Variants in SMAP2 observed in about 807,000 individuals in gnomAD.
SMAP2 encodes small ArfGAP2.
Under a neutral mutation model 56.4 loss-of-function variants are expected in SMAP2, and 25 were observed. The ratio of observed to expected loss-of-function variants is 0.44; its 90% CI spans 0.32 to 0.62. The LOEUF is 0.62. Among genes scored for constraint, SMAP2 ranks in the 20% least tolerant of loss-of-function variants. The pLI is 0.04. For missense variants in SMAP2, 388 were observed against 545.6 expected (o/e 0.71, Z 2.88); for synonymous variants, 157 against 181.7 (o/e 0.86, Z 1.09).
intron 1 of SMAP2, among the ~76,000 whole-genome samples, chr1:40,391,685 A>G (rs1308625594): frequency 6.6e-6 from 1 of 152,180 alleles, no homozygotes; most frequent in East Asian, 1.9e-4. Context: ...ATGAAGAGCA[A>G]TCTCATTGGA....
intron 1 of SMAP2, among the ~76,000 whole-genome samples, chr1:40,352,170 T>C (rs1644411630): frequency 6.6e-6 from 1 of 152,160 alleles, no homozygotes; most frequent in South Asian, 2.1e-4. Flanking sequence ...TTAAAATAAA[T>C]AGTGTTGATA....
Position 40,374,637 on chromosome 1 carries a change from G to C in SMAP2, c.103+414G>C, listed in dbSNP as rs1445017781. On this transcript the variant is annotated intron_variant, in intron 1 of 9. Coordinates refer to ENST00000372718, the MANE Select transcript of SMAP2 (RefSeq NM_022733.3). The surrounding 1 kb of genome is among the most constrained non-coding windows in gnomAD (Gnocchi z 5.9). ...TGTGTGTGTGTGTGAGAGAGAGAGA[G>C]AGAGAATGACGAGGAGGAGGAGGAG... 2.6e-6 allele frequency: 4 copies of C among 1,526,118 alleles called. No homozygotes were observed. In the East Asian group the frequency reaches 9.8e-5, roughly 37 times the overall value. The allele number at this position is 1,526,118 out of a possible 1,614,324, so 94.5% of individuals were successfully genotyped here. A position where few individuals can be genotyped will look rare whatever the true frequency, so the allele number is the denominator to read the frequency against.
At chr1:40,372,772 T>C (rs1430255805), upstream of SMAP2, among the ~76,000 whole-genome samples, 1 of 152,232 alleles carries the variant, frequency 6.6e-6, no homozygotes, top group East Asian at 1.9e-4. Context: ...ATTATTTCCA[T>C]GGCAGCCAGA....
chr1:40,409,873 T>C, intron 4 of SMAP2, 38 bp downstream of exon 4: 2 of 1,262,684 alleles, frequency 1.6e-6, no homozygotes, highest in Non-Finnish European at 1.2e-6. Context: ...CCACAATAAG[T>C]AATGTGCTTA....
At chr1:40,417,201 A>T in intron 9 of SMAP2, 105 bp downstream of exon 9, 4 of 682,766 alleles carry the variant, frequency 5.9e-6, no homozygotes, top group Non-Finnish European at 9.8e-6. Flanking sequence ...TGTAGATGAG[A>T]TAATGTAAGA....
At chr1:40,378,985 T>TC (rs1644569375) in intron 1 of SMAP2, among the ~76,000 whole-genome samples, 3 of 150,854 alleles carry the variant, frequency 2.0e-5, no homozygotes, top group Non-Finnish European at 4.4e-5. Flanking sequence ...TCTTTTCTTT[T>TC]TTTTTTTTTT....
chr1:40,398,021 A>G (rs1233590965), intron 1 of SMAP2, among the ~76,000 whole-genome samples: 1 of 152,206 alleles, frequency 6.6e-6, no homozygotes, highest in African/African-American at 2.4e-5. Context: ...CCCTGCAGCC[A>G]GTAAGGAGCC....
upstream of SMAP2, among the ~76,000 whole-genome samples, chr1:40,371,982 T>C (rs180731099): frequency 2.6e-5 from 4 of 152,352 alleles, no homozygotes; most frequent in East Asian, 7.7e-4. Context: ...AACTTAAGCA[T>C]TCTTGCCCCA....
At chr1:40,409,890 C>A in intron 4 of SMAP2, 55 bp downstream of exon 4, 1 of 1,185,498 alleles carries the variant, frequency 8.4e-7, no homozygotes, top group Non-Finnish European at 1.3e-6. Flanking sequence ...CTTATTAAAT[C>A]AGGCCAGAGA....
intron 1 of SMAP2, among the ~76,000 whole-genome samples, chr1:40,355,223 C>T (rs1226563802): frequency 6.6e-6 from 1 of 152,144 alleles, no homozygotes; most frequent in African/African-American, 2.4e-5. Flanking sequence ...CCACCTTCAG[C>T]ACTCTTCCGG....
chr1:40,416,716 A>G, intron 8 of SMAP2, 64 bp from the exon 9 acceptor site: 1 of 1,485,280 alleles, frequency 6.7e-7, no homozygotes, highest in South Asian at 1.3e-5. Flanking sequence ...TTAGCCAGGG[A>G]GAGTTCGGGC....
At chr1:40,353,611 C>A (rs922935535) in intron 1 of SMAP2, among the ~76,000 whole-genome samples, 2 of 152,070 alleles carry the variant, frequency 1.3e-5, no homozygotes, top group Non-Finnish European at 2.9e-5. Flanking sequence ...CTCAAGTGAC[C>A]CACCCTCCTT....
intron 1 of SMAP2, among the ~76,000 whole-genome samples, chr1:40,392,272 G>A (rs1028376852): frequency 8.6e-5 from 13 of 151,970 alleles, no homozygotes; most frequent in African/African-American, 2.9e-4. Flanking sequence ...GGTGCTTCTC[G>A]CTGATTGGGG....
chr1:40,364,973 T>C, intron 2 of SMAP2: 1 of 230,640 alleles, frequency 4.3e-6, no homozygotes, highest in Non-Finnish European at 9.0e-6. Context: ...GTGGCCAAAG[T>C]GGATGAGGTG....
chr1:40,399,280 G>T (rs1241080951), intron 1 of SMAP2, among the ~76,000 whole-genome samples: 14 of 149,746 alleles, frequency 9.3e-5, no homozygotes, highest in Admixed American at 9.3e-4. Flanking sequence ...AAGTAGCTGG[G>T]ACTACAGGCA....
intron 3 of SMAP2, 147 bp from the exon 4 acceptor site, chr1:40,409,610 G>T (rs1331502732): frequency 8.2e-6 from 5 of 608,758 alleles, no homozygotes; most frequent in African/African-American, 7.5e-5. Flanking sequence ...TTTGGTCAGA[G>T]AAATTGCATA....
intron 1 of SMAP2, among the ~76,000 whole-genome samples, chr1:40,390,824 A>G (rs1383511825): frequency 1.3e-5 from 2 of 152,170 alleles, no homozygotes; most frequent in African/African-American, 2.4e-5. Context: ...CTTAGACTAG[A>G]TCATTCCTAA....
intron 1 of SMAP2, among the ~76,000 whole-genome samples, chr1:40,406,533 A>G (rs1386582090): frequency 6.6e-6 from 1 of 152,218 alleles, no homozygotes; most frequent in African/African-American, 2.4e-5. Flanking sequence ...GTGTGAATAT[A>G]TTAAAAACCA....
At chr1:40,347,961 T>C (rs1207050556) in intron 1 of SMAP2, among the ~76,000 whole-genome samples, 1 of 152,126 alleles carries the variant, frequency 6.6e-6, no homozygotes, top group Non-Finnish European at 1.5e-5. Flanking sequence ...TTTTCAAATT[T>C]ATTTTGGTGT....
Sources: gnomAD v4.1 joint callset for allele counts (sites outside exome capture counted in the v4.1 genomes callset) on GRCh38, gnomAD v4.1.1 for gene constraint, Gnocchi (gnomAD v3.1) non-coding constraint, MANE v1.5 for transcripts, NCBI Gene and HGNC (gene_info 2026-07-23, HGNC 2026-07-21) for gene names.